CSMD1: variants seen among roughly 807,000 people sequenced by gnomAD.
The protein encoded by CSMD1 is CUB and Sushi multiple domains 1, also known as CUB and sushi domain-containing protein 1.
A neutral mutation model predicts 417.5 loss-of-function variants in CSMD1; 213 were observed. The observed-to-expected ratio is 0.51, with a 90% CI of 0.46 to 0.57. The LOEUF (loss-of-function observed/expected upper bound fraction) is 0.57, where lower values mean the gene tolerates loss of function less well. Ranked by LOEUF, CSMD1 falls within the 20% of genes least tolerant of loss-of-function variation. The probability of loss-of-function intolerance (pLI) is 0.00; values close to 1 mark genes in which losing one functional copy is unlikely to be tolerated. For synonymous variants in CSMD1, 2,862 were observed against 1,736.8 expected (o/e 1.65, Z -16.11); for missense variants, 6,923 against 4,529.7 (o/e 1.53, Z -15.17).
At chr8:3,269,814 T>C (rs1225652196) in intron 26 of CSMD1, among the ~76,000 whole-genome samples, 1 of 152,208 alleles carries the variant, frequency 6.6e-6, no homozygotes, top group Admixed American at 6.5e-5. Flanking sequence ...TTCATGTCCT[T>C]CTGTTTTACA....
chr8:4,734,189 T>G (rs892301323), intron 1 of CSMD1, among the ~76,000 whole-genome samples: 17 of 152,188 alleles, frequency 1.1e-4, no homozygotes, highest in African/African-American at 3.9e-4. Flanking sequence ...TTTAAATATG[T>G]TTACCTGGAA....
intron 6 of CSMD1, among the ~76,000 whole-genome samples, chr8:3,714,802 T>G (rs918194847): frequency 6.6e-6 from 1 of 152,068 alleles, no homozygotes; most frequent in African/African-American, 2.4e-5. Flanking sequence ...GCATTTTTTG[T>G]CTAGTTTATG....
At chr8:4,809,834 G>A (rs1269098350) in intron 1 of CSMD1, among the ~76,000 whole-genome samples, 1 of 152,150 alleles carries the variant, frequency 6.6e-6, no homozygotes, top group African/African-American at 2.4e-5. Flanking sequence ...TGGACCACCT[G>A]CATGTCTACA....
intron 33 of CSMD1, among the ~76,000 whole-genome samples, chr8:3,193,044 A>C (rs1308812326): frequency 1.3e-5 from 2 of 152,306 alleles, no homozygotes; most frequent in African/African-American, 4.8e-5. Context: ...TGCTTACAAA[A>C]TACCTGCTAT....
chr8:4,849,244 A>G (rs1801324187), intron 1 of CSMD1, among the ~76,000 whole-genome samples: 1 of 152,350 alleles, frequency 6.6e-6, no homozygotes, highest in East Asian at 1.9e-4. Context: ...AGAAAATATT[A>G]TTGTACACCT....
intron 6 of CSMD1, among the ~76,000 whole-genome samples, chr8:3,740,786 G>T (rs184985219): frequency 6.6e-6 from 1 of 152,180 alleles, no homozygotes; most frequent in Non-Finnish European, 1.5e-5. Flanking sequence ...AAGAATCACT[G>T]TGTTTACCTT....
intron 1 of CSMD1, among the ~76,000 whole-genome samples, chr8:4,897,693 T>C (rs929129539): frequency 6.6e-6 from 1 of 152,166 alleles, no homozygotes; most frequent in African/African-American, 2.4e-5. Flanking sequence ...TTTTTTTACA[T>C]ATTACTTAAA....
At chr8:4,887,666 ATATTTGCTTTATTTATTTATT>A (rs1563679219) in intron 1 of CSMD1, among the ~76,000 whole-genome samples, 2 of 151,572 alleles carry the variant, frequency 1.3e-5, no homozygotes, top group African/African-American at 2.4e-5. Context: ...TGCTTTATTT[ATATTTGCTTTATTTATTTATT>A]TATTTGCTTT....
chr8:4,040,618 G>A (rs13439455), intron 3 of CSMD1, among the ~76,000 whole-genome samples: 2 of 152,162 alleles, frequency 1.3e-5, no homozygotes, highest in African/African-American at 4.8e-5. Context: ...GGAGACTTAC[G>A]ATGTTTTCTT....
intron 12 of CSMD1, among the ~76,000 whole-genome samples, chr8:3,450,984 C>T (rs1277517931): frequency 2.6e-5 from 4 of 152,148 alleles, no homozygotes; most frequent in African/African-American, 7.2e-5. Flanking sequence ...CTGTTGTTTC[C>T]TGACTTTCTA....
intron 3 of CSMD1, among the ~76,000 whole-genome samples, chr8:4,323,592 G>A (rs1214029511): frequency 7.2e-5 from 11 of 152,098 alleles, no homozygotes; most frequent in Non-Finnish European, 1.2e-4. Flanking sequence ...TTGAGTGGCT[G>A]ATACCCAAAG....
At position 4,430,313 on chromosome 8, in the gene CSMD1, C is replaced by G. The variant is rs186502189; in HGVS notation, c.303-10248G>C. Among the ~76,000 whole-genome samples, 957 of 152,252 alleles carry G rather than the reference C, an allele frequency of 6.3e-3. 16 individuals are homozygous for G. Among genetic ancestry groups the G allele is most frequent in the African/African-American group, 0.022 (901 of 41,546 alleles). ...AAAAAATATTGCAGTTAAACCACTG[C>G]ATATTGCTTTAACTGATAGTTTTCC... On this transcript the variant is annotated intron_variant, in intron 2 of 69. Coordinates refer to ENST00000635120, the MANE Select transcript of CSMD1 (RefSeq NM_033225.6).
At chr8:3,616,335 C>A (rs1336138510) in intron 8 of CSMD1, among the ~76,000 whole-genome samples, 2 of 152,088 alleles carry the variant, frequency 1.3e-5, no homozygotes, top group African/African-American at 2.4e-5. Context: ...CTCCACTTCG[C>A]TCATTCTTCT....
chr8:3,530,493 A>C (rs1797931513), intron 10 of CSMD1, among the ~76,000 whole-genome samples: 1 of 152,164 alleles, frequency 6.6e-6, no homozygotes, highest in Non-Finnish European at 1.5e-5. Flanking sequence ...AAACTAATAA[A>C]AGCAAAATGT....
At chr8:3,589,996 C>T (rs1047734977) in intron 8 of CSMD1, among the ~76,000 whole-genome samples, 1 of 151,872 alleles carries the variant, frequency 6.6e-6, no homozygotes, top group Admixed American at 6.6e-5. Context: ...TTAGAGTGTC[C>T]AACAACAGGA....
chr8:4,518,156 G>A (rs942433297), intron 2 of CSMD1, among the ~76,000 whole-genome samples: 3 of 152,080 alleles, frequency 2.0e-5, no homozygotes, highest in African/African-American at 7.2e-5. Context: ...CTTGCCATAA[G>A]ACAAGAAGAC....
chr8:3,890,296 A>G (rs1806875084), intron 5 of CSMD1, among the ~76,000 whole-genome samples: 2 of 152,162 alleles, frequency 1.3e-5, no homozygotes, highest in African/African-American at 4.8e-5. Flanking sequence ...ATTTACTTGA[A>G]AAATATTAAT....
At chr8:4,605,993 T>C (rs1399516942) in intron 2 of CSMD1, among the ~76,000 whole-genome samples, 1 of 152,152 alleles carries the variant, frequency 6.6e-6, no homozygotes, top group Non-Finnish European at 1.5e-5. Context: ...CCAGGCCTTA[T>C]GAAATATGGA....
chr8:4,875,210 C>G (rs1199853124), intron 1 of CSMD1, among the ~76,000 whole-genome samples: 1 of 151,912 alleles, frequency 6.6e-6, no homozygotes, highest in Non-Finnish European at 1.5e-5. Flanking sequence ...ACTTTAAAAG[C>G]TGAGAAGGAA....
Sources: allele counts gnomAD v4.1 joint callset (sites outside exome capture counted in the v4.1 genomes callset), GRCh38; gene constraint gnomAD v4.1.1; transcripts MANE v1.5; gene names NCBI Gene and HGNC (gene_info 2026-07-23, HGNC 2026-07-21).